Variants in GPC5 observed in about 807,000 individuals in gnomAD.
The protein encoded by GPC5 is glypican 5.
Under a neutral mutation model 53.9 loss-of-function variants are expected in GPC5, and 47 were observed. That is an observed-to-expected ratio of 0.87 (90% CI 0.69 to 1.11). The LOEUF (loss-of-function observed/expected upper bound fraction) is 1.11, where lower values mean the gene tolerates loss of function less well. Ranked by LOEUF, GPC5 falls within the 50% of genes most tolerant of loss-of-function variation. The pLI, the probability that GPC5 is intolerant of heterozygous loss-of-function variation, is 0.00. For synonymous variants in GPC5, 286 were observed against 263.3 expected (o/e 1.09, Z -0.84); for missense variants, 748 against 713.1 (o/e 1.05, Z -0.56).
At chr13:91,444,405 T>C (rs1024582392) in intron 1 of GPC5, among the ~76,000 whole-genome samples, 1 of 152,164 alleles carries the variant, frequency 6.6e-6, no homozygotes, top group African/African-American at 2.4e-5. Flanking sequence ...TATTATTCTG[T>C]TTCTTATTCT....
At chr13:91,612,475 A>G (rs1005825612) in intron 2 of GPC5, among the ~76,000 whole-genome samples, 8 of 152,180 alleles carry the variant, frequency 5.3e-5, no homozygotes, top group African/African-American at 1.7e-4. Flanking sequence ...TCCAGATTCT[A>G]TGGAGCAGAT....
intron 7 of GPC5, among the ~76,000 whole-genome samples, chr13:92,155,114 A>G (rs1555314910): frequency 1.3e-5 from 2 of 152,128 alleles, no homozygotes; most frequent in East Asian, 3.9e-4. Context: ...ATATCTCTCT[A>G]GTGTATTCCT....
intron 2 of GPC5, among the ~76,000 whole-genome samples, chr13:91,625,991 G>T (rs1566563191): frequency 6.6e-6 from 1 of 151,340 alleles, no homozygotes; most frequent in East Asian, 2.0e-4. Flanking sequence ...TTTTTGAAGT[G>T]ATAATGGCCT....
chr13:92,390,544 G>GT (rs1046226450), intron 7 of GPC5, among the ~76,000 whole-genome samples: 4 of 152,122 alleles, frequency 2.6e-5, no homozygotes, highest in African/African-American at 9.7e-5. Context: ...GGTCAAGCGA[G>GT]TTTAAACACC....
At chr13:91,578,806 G>A (rs993289492) in intron 2 of GPC5, among the ~76,000 whole-genome samples, 1 of 152,052 alleles carries the variant, frequency 6.6e-6, no homozygotes, top group African/African-American at 2.4e-5. Context: ...AACACTTTGG[G>A]AGGCTGAGGC....
intron 2 of GPC5, among the ~76,000 whole-genome samples, chr13:91,594,916 C>T (rs2032934726): frequency 6.6e-6 from 1 of 151,932 alleles, no homozygotes; most frequent in African/African-American, 2.4e-5. Flanking sequence ...GCAGTCTTTC[C>T]ATCTTGAGCT....
chr13:91,689,390 G>A (rs2035705894), intron 2 of GPC5, among the ~76,000 whole-genome samples: 1 of 148,964 alleles, frequency 6.7e-6, no homozygotes, highest in Non-Finnish European at 1.5e-5. Flanking sequence ...TATTTAGACT[G>A]TACAAATACT....
At chr13:91,805,085 C>G (rs2038198800) in intron 5 of GPC5, among the ~76,000 whole-genome samples, 1 of 152,152 alleles carries the variant, frequency 6.6e-6, no homozygotes, top group Admixed American at 6.5e-5. Context: ...CTTTAGCAAA[C>G]TGGGCAGAGG....
chr13:92,293,234 T>C (rs1348619153), intron 7 of GPC5, among the ~76,000 whole-genome samples: 2 of 152,092 alleles, frequency 1.3e-5, no homozygotes, highest in East Asian at 1.9e-4. Context: ...GGAATTATGT[T>C]GAATTTGTAG....
intron 7 of GPC5, among the ~76,000 whole-genome samples, chr13:92,768,578 C>A (rs1875497104): frequency 6.6e-6 from 1 of 152,094 alleles, no homozygotes; most frequent in African/African-American, 2.4e-5. Context: ...TACCTGATTT[C>A]TCTAATTTTC....
chr13:92,460,642 A>G (rs1396371668), intron 7 of GPC5, among the ~76,000 whole-genome samples: 1 of 152,184 alleles, frequency 6.6e-6, no homozygotes, highest in East Asian at 1.9e-4. Context: ...CTACAAATAT[A>G]GTAGTTGTTC....
At chr13:91,460,949 C>T (rs890543539) in intron 2 of GPC5, among the ~76,000 whole-genome samples, 3 of 152,084 alleles carry the variant, frequency 2.0e-5, no homozygotes, top group African/African-American at 4.8e-5. Context: ...TGGGAAATTA[C>T]CCATGCATAT....
At chr13:91,897,362 T>C (rs942688666) in intron 5 of GPC5, among the ~76,000 whole-genome samples, 1 of 138,416 alleles carries the variant, frequency 7.2e-6, no homozygotes, top group Admixed American at 7.4e-5. Context: ...TGTGTGTGTG[T>C]GTGTGTGCGC....
chr13:91,403,108 G>A (rs1412141492), intron 1 of GPC5, among the ~76,000 whole-genome samples: 3 of 152,210 alleles, frequency 2.0e-5, no homozygotes, highest in Non-Finnish European at 4.4e-5. Flanking sequence ...TATTTCTCAT[G>A]AAACCAATTT....
intron 6 of GPC5, among the ~76,000 whole-genome samples, chr13:92,037,219 G>A (rs980638193): frequency 1.3e-4 from 20 of 151,800 alleles, no homozygotes; most frequent in African/African-American, 3.9e-4. Flanking sequence ...ACACGTATGC[G>A]TGCACACACA....
At chr13:92,315,746 T>C (rs1015332594) in intron 7 of GPC5, among the ~76,000 whole-genome samples, 1 of 152,188 alleles carries the variant, frequency 6.6e-6, no homozygotes, top group African/African-American at 2.4e-5. Flanking sequence ...AAATAATTAG[T>C]AAATGTATAA....
intron 7 of GPC5, among the ~76,000 whole-genome samples, chr13:92,316,033 C>T (rs979599073): frequency 1.6e-4 from 24 of 152,142 alleles, no homozygotes; most frequent in African/African-American, 5.1e-4. Context: ...TAATTGACTA[C>T]AGGTCAGATA....
intron 2 of GPC5, among the ~76,000 whole-genome samples, chr13:91,625,803 A>G (rs1273420218): frequency 1.3e-5 from 2 of 152,136 alleles, no homozygotes; most frequent in African/African-American, 4.8e-5. Flanking sequence ...AATATAATAC[A>G]TAGAGTTTTC....
chr13:91,838,106 A>T (rs762173080), intron 5 of GPC5, among the ~76,000 whole-genome samples: 1 of 152,184 alleles, frequency 6.6e-6, no homozygotes, highest in Non-Finnish European at 1.5e-5. Flanking sequence ...TGTTTCCGCA[A>T]TTAGAAGATC....
Sources: allele counts gnomAD v4.1 joint callset (sites outside exome capture counted in the v4.1 genomes callset), GRCh38; gene constraint gnomAD v4.1.1; transcripts MANE v1.5; gene names NCBI Gene and HGNC (gene_info 2026-07-23, HGNC 2026-07-21).